TSHZ2: variants seen among roughly 807,000 people sequenced by gnomAD.
TSHZ2 encodes teashirt zinc finger homeobox 2.
TSHZ2 carries 21 observed loss-of-function variants against 74.4 expected under a neutral mutation model. That is an observed-to-expected ratio of 0.28 (90% confidence interval 0.20 to 0.41). The LOEUF (loss-of-function observed/expected upper bound fraction) is 0.41, where lower values mean the gene tolerates loss of function less well. Ranked by LOEUF, TSHZ2 falls within the 10% of genes least tolerant of loss-of-function variation. The probability of loss-of-function intolerance (pLI) is 1.00; values close to 1 mark genes in which losing one functional copy is unlikely to be tolerated. For missense variants in TSHZ2, 1,244 were observed against 1,293.5 expected (o/e 0.96, Z 0.59); for synonymous variants, 540 against 515.3 (o/e 1.05, Z -0.65).
intron 1 of TSHZ2, among the ~76,000 whole-genome samples, chr20:53,172,716 A>G (rs144246409): frequency 1.0e-3 from 154 of 152,356 alleles, no homozygotes; most frequent in Middle Eastern, 3.4e-3. Flanking sequence ...GGCACAGAGC[A>G]TTCTGGTAAC....
At chr20:53,270,093 A>G (rs1260865430) in intron 2 of TSHZ2, among the ~76,000 whole-genome samples, 2 of 152,120 alleles carry the variant, frequency 1.3e-5, no homozygotes, top group African/African-American at 4.8e-5. Context: ...TGTAGAGGGT[A>G]TGGTGGAGAT....
intron 2 of TSHZ2, among the ~76,000 whole-genome samples, chr20:53,383,830 C>T (rs186521953): frequency 8.8e-4 from 134 of 152,078 alleles, no homozygotes; most frequent in Non-Finnish European, 1.6e-3. Flanking sequence ...TCCTCATAAA[C>T]GCTCCATCTA....
At chr20:53,482,027 CCGGGAGGTAGAAGT>C (rs1387937257) in intron 2 of TSHZ2, among the ~76,000 whole-genome samples, 1 of 147,492 alleles carries the variant, frequency 6.8e-6, no homozygotes, top group African/African-American at 2.5e-5. Context: ...TTGCTTGAAT[CCGGGAGGTAGAAGT>C]TGCAGTGAGT....
intron 2 of TSHZ2, among the ~76,000 whole-genome samples, chr20:53,342,579 C>T (rs1600820209): frequency 1.3e-5 from 2 of 152,016 alleles, no homozygotes; most frequent in Admixed American, 1.3e-4. Context: ...CAAAGAAGCC[C>T]GTCCCTATTG....
At chr20:53,230,630 C>T (rs950379172) in intron 1 of TSHZ2, among the ~76,000 whole-genome samples, 9 of 152,260 alleles carry the variant, frequency 5.9e-5, no homozygotes, top group African/African-American at 1.7e-4. Context: ...TGGTGGCTCA[C>T]GCCTGTAATC....
At position 53,235,838 on chromosome 20, in the gene TSHZ2, G is replaced by T. The variant is rs6022350; in HGVS notation, c.41-17661G>T. Among the ~76,000 whole-genome samples the T allele has an allele frequency of 3.5e-4, 54 of 152,294 alleles. 1 individual carries two copies. Among genetic ancestry groups the T allele is most frequent in the African/African-American group, 1.3e-3 (54 of 41,574 alleles). ...CAATTGAGTTAGTTGAACATGAAAG[G>T]TCTTTAAGAATGAAAGATAAAATAA... is the stretch of plus-strand genomic sequence containing the variant. On this transcript the variant is annotated intron_variant, in intron 1 of 2. Coordinates refer to ENST00000371497, the MANE Select transcript of TSHZ2 (RefSeq NM_173485.6).
chr20:53,218,180 C>T (rs1989478278), intron 1 of TSHZ2, among the ~76,000 whole-genome samples: 1 of 152,202 alleles, frequency 6.6e-6, no homozygotes, highest in African/African-American at 2.4e-5. Flanking sequence ...AAAGACTACG[C>T]CTATAGGCTG....
chr20:53,342,073 C>T (rs1347937321), intron 2 of TSHZ2, among the ~76,000 whole-genome samples: 2 of 152,178 alleles, frequency 1.3e-5, no homozygotes, highest in Non-Finnish European at 2.9e-5. Flanking sequence ...ACATGCCCCA[C>T]ACCCAGTTTC....
intron 1 of TSHZ2, among the ~76,000 whole-genome samples, chr20:53,128,171 T>C (rs1158143024): frequency 8.8e-6 from 1 of 113,348 alleles, no homozygotes; most frequent in Non-Finnish European, 1.9e-5. Context: ...CTAAGTTAGA[T>C]GGTGGTGGGG....
chr20:53,414,052 T>C (rs568670046), intron 2 of TSHZ2, among the ~76,000 whole-genome samples: 13 of 152,056 alleles, frequency 8.5e-5, no homozygotes, highest in African/African-American at 3.1e-4. Flanking sequence ...GCCTGAGAGG[T>C]CAAGGCTGCA....
intron 1 of TSHZ2, among the ~76,000 whole-genome samples, chr20:53,005,473 GT>G (rs1402276010): frequency 6.6e-6 from 1 of 152,148 alleles, no homozygotes; most frequent in Non-Finnish European, 1.5e-5. Context: ...GAGGTGAAGG[GT>G]CTAAGGTCTT....
At chr20:53,423,689 A>G (rs1983560533) in intron 2 of TSHZ2, among the ~76,000 whole-genome samples, 1 of 152,158 alleles carries the variant, frequency 6.6e-6, no homozygotes, top group Admixed American at 6.5e-5. Context: ...TGCACATGTC[A>G]CCTCATTCCG....
At chr20:53,270,606 C>T (rs1990813708) in intron 2 of TSHZ2, among the ~76,000 whole-genome samples, 1 of 152,112 alleles carries the variant, frequency 6.6e-6, no homozygotes, top group African/African-American at 2.4e-5. Flanking sequence ...GTGCATAGTA[C>T]ACCAAAGCGT....
intron 2 of TSHZ2, among the ~76,000 whole-genome samples, chr20:53,452,641 A>G (rs555277625): frequency 6.6e-6 from 1 of 151,344 alleles, no homozygotes; most frequent in Non-Finnish European, 1.5e-5. Context: ...CAATCACTGT[A>G]TCTCTCTGAG....
In TSHZ2 at chr20:53,188,312, GA is replaced by G. The variant is rs374955295; in HGVS notation, c.41-65186del. 5.9e-5 allele frequency among the ~76,000 whole-genome samples: 9 copies of G among 152,312 alleles called. No individual in the cohort carries two copies. The East Asian group carries it at 1.7e-3, about 29-fold the overall frequency. ...CGAGGGGACTTTTGGAGAAGCGCCT[GA>G]CATGAATCTGCTCCTAACTGGGAGT... On this transcript the variant is annotated intron_variant, in intron 1 of 2. Transcript: ENST00000371497.
At chr20:53,436,022 G>A (rs76159275) in intron 2 of TSHZ2, among the ~76,000 whole-genome samples, 1,585 of 152,340 alleles carry the variant, frequency 0.01, 12 homozygotes, top group Middle Eastern at 0.034. Flanking sequence ...CAAGTGCTCC[G>A]TCAATTTTTC....
intron 2 of TSHZ2, among the ~76,000 whole-genome samples, chr20:53,405,938 A>G (rs112777733): frequency 1.3e-5 from 2 of 152,162 alleles, no homozygotes; most frequent in African/African-American, 4.8e-5. Context: ...CAGAGGTTGC[A>G]ATGAGCCTAT....
chr20:53,460,636 A>G (rs1033988621), intron 2 of TSHZ2, among the ~76,000 whole-genome samples: 8 of 152,108 alleles, frequency 5.3e-5, no homozygotes, highest in East Asian at 1.9e-4. Flanking sequence ...GCTTTTTAGA[A>G]TTTCCAGTTT....
chr20:53,473,457 G>C (rs1263595675), intron 2 of TSHZ2, among the ~76,000 whole-genome samples: 2 of 139,884 alleles, frequency 1.4e-5, no homozygotes, highest in Non-Finnish European at 3.1e-5. Context: ...CTGTCTGTTA[G>C]AAGGAAAACT....
Sources: allele counts gnomAD v4.1 joint callset (sites outside exome capture counted in the v4.1 genomes callset), GRCh38; gene constraint gnomAD v4.1.1; transcripts MANE v1.5; gene names NCBI Gene and HGNC (gene_info 2026-07-23, HGNC 2026-07-21).